Variants in PRDM2 observed in about 807,000 individuals in gnomAD.
The protein encoded by PRDM2 is PR/SET domain 2, also known as PR domain zinc finger protein 2.
In PRDM2, 30 loss-of-function variants were observed where a neutral mutation model predicts 130.0. That is an observed-to-expected ratio of 0.23 (90% CI 0.17 to 0.31). The LOEUF (loss-of-function observed/expected upper bound fraction) is 0.31, where lower values mean the gene tolerates loss of function less well. PRDM2 is among the 10% of genes least tolerant of loss of function. The pLI, the probability that PRDM2 is intolerant of heterozygous loss-of-function variation, is 1.00. For missense variants in PRDM2, 2,011 were observed against 2,108.4 expected, an observed-to-expected ratio of 0.95 and a Z score of 0.90; for synonymous variants, 871 against 782.4, an observed-to-expected ratio of 1.11 and a Z score of -1.89.
At chr1:13,773,023 G>T (rs1028428557) in intron 6 of PRDM2, 55 bp from the exon 7 acceptor site, 4 of 1,008,450 alleles carry the variant, frequency 4.0e-6, no homozygotes, top group African/African-American at 3.3e-5. Context: ...GGGAATGAAT[G>T]AATGAATAAA....
chr1:13,721,768 A>C lies in PRDM2; in HGVS notation c.9+6154A>C, dbSNP rs544246823. Among the ~76,000 whole-genome samples, 7 of 152,330 alleles carry C rather than the reference A, an allele frequency of 4.6e-5. No individual in the cohort carries two copies. In the East Asian group the frequency reaches 1.3e-3, roughly 29 times the overall value. On this transcript the variant is annotated intron_variant, in intron 2 of 9. Coordinates refer to ENST00000311066, the MANE Select transcript of PRDM2 (RefSeq NM_001393986.1). ...TAGGATAGTAACACTTCGGCAGAGA[A>C]AAAAGCTGTGGGACTGTTTTTCTCT...
chr1:13,819,522 C>T (rs982837552), intron 9 of PRDM2, among the ~76,000 whole-genome samples: 2 of 152,136 alleles, frequency 1.3e-5, no homozygotes, highest in Non-Finnish European at 2.9e-5. Flanking sequence ...TAAATTGGTA[C>T]TTACACCAAG....
At chr1:13,745,014 AAGTT>A (rs1337365281) in intron 5 of PRDM2, among the ~76,000 whole-genome samples, 2 of 152,246 alleles carry the variant, frequency 1.3e-5, no homozygotes, top group African/African-American at 4.8e-5. Context: ...AAATTCCTGA[AAGTT>A]AGCTGTTAAA....
At chr1:13,717,978 T>C (rs943823226) in intron 2 of PRDM2, among the ~76,000 whole-genome samples, 6 of 152,230 alleles carry the variant, frequency 3.9e-5, no homozygotes, top group African/African-American at 1.4e-4. Flanking sequence ...ACCCAATTGT[T>C]ATGGCATAAA....
intron 2 of PRDM2, among the ~76,000 whole-genome samples, chr1:13,720,317 A>G (rs1272521797): frequency 6.6e-6 from 1 of 152,196 alleles, no homozygotes; most frequent in Non-Finnish European, 1.5e-5. Context: ...TACCTTGCTG[A>G]TTACAGTCAA....
intron 9 of PRDM2, among the ~76,000 whole-genome samples, chr1:13,821,524 G>A (rs1049140291): frequency 5.9e-5 from 9 of 151,516 alleles, no homozygotes; most frequent in African/African-American, 1.2e-4. Context: ...GTGCAGTGGC[G>A]CAATCTCAGG....
intron 8 of PRDM2, among the ~76,000 whole-genome samples, chr1:13,810,222 A>C (rs1243461841): frequency 1.2e-4 from 19 of 152,124 alleles, no homozygotes. Flanking sequence ...TTAAGCATGC[A>C]TGGAACCCGG....
Position 13,749,476 on chromosome 1 carries a change from A to G in PRDM2, c.500A>G (p.Lys167Arg), listed in dbSNP as rs1211006367. The change falls in exon 6 of 10, where the codon AAG becomes AGG. Residue 167 changes from lysine to arginine, a missense_variant. Lys to Arg is a conservative substitution (Grantham distance 26, BLOSUM62 2). Around this residue, in one of 5 missense-constraint regions of PRDM2, gnomAD observed 1,288 missense variants for 1,237.7 expected, o/e 1.04. Transcript: ENST00000311066. ...GCCCGGAGCAAGCGGAGCTCCCCCAAGAGCCGGAAAGGTAGGAGCCCCCCG... is the reference window on the plus strand; with the variant it reads ...GCCCGGAGCAAGCGGAGCTCCCCCAGGAGCCGGAAAGGTAGGAGCCCCCCG... ...ASARSKRSSP[K>R]SRKGKKKSQE... 4.1e-6 allele frequency: 6 copies of G among 1,462,586 alleles called. No homozygotes were observed. The highest frequency in any genetic ancestry group is 1.9e-5 in the Admixed American group (1 of 51,878). The allele number at this position is 1,462,586 out of a possible 1,614,324, so 90.6% of individuals were successfully genotyped here.
chr1:13,793,034 T>G (rs1345947778), intron 8 of PRDM2, among the ~76,000 whole-genome samples: 1 of 152,210 alleles, frequency 6.6e-6, no homozygotes. Flanking sequence ...TGTACATAAC[T>G]GTTGTGTCCC....
intron 8 of PRDM2, among the ~76,000 whole-genome samples, chr1:13,788,571 A>G (rs1310677407): frequency 2.6e-5 from 4 of 152,198 alleles, no homozygotes; most frequent in African/African-American, 9.7e-5. Flanking sequence ...GTCACTCCTC[A>G]GGGAAAGGTG....
intron 8 of PRDM2, among the ~76,000 whole-genome samples, chr1:13,805,107 C>G (rs1037280703): frequency 1.4e-4 from 21 of 152,302 alleles, no homozygotes; most frequent in African/African-American, 4.8e-4. Context: ...CCATCACAGG[C>G]CCAGCCTTAC....
intron 9 of PRDM2, among the ~76,000 whole-genome samples, chr1:13,822,800 C>T (rs531495962): frequency 1.2e-4 from 18 of 152,148 alleles, no homozygotes; most frequent in Admixed American, 5.2e-4. Context: ...AAAAGCCAGA[C>T]GCAGGAGGAG....
At chr1:13,777,753 G>C (rs568270051) in intron 7 of PRDM2, among the ~76,000 whole-genome samples, 5 of 149,050 alleles carry the variant, frequency 3.4e-5, no homozygotes, top group Non-Finnish European at 7.4e-5. Flanking sequence ...GCTAGGCCTA[G>C]GGACTCCGAA....
chr1:13,778,787 T>C lies in PRDM2; in HGVS notation c.992T>C (p.Leu331Pro). The C allele has an allele frequency of 5.6e-6, 9 of 1,614,098 alleles. No homozygotes were observed. The highest frequency in any genetic ancestry group is 5.9e-6 in the Non-Finnish European group (7 of 1,180,024). Reference sequence around the variant, plus strand: ...CCAAAAACAACTTCAGAAGAAACTCTTGAAGACTGCTCAGAGGTAACACCT... The same window carrying C: ...CCAAAAACAACTTCAGAAGAAACTCCTGAAGACTGCTCAGAGGTAACACCT... ...EEPKTTSEET[L>P]EDCSEVTPAM... Residue 331 changes from leucine to proline, a missense_variant, in exon 8 of 10, where the codon CTT becomes CCT. Physicochemically the swap from Leu to Pro is moderately conservative, Grantham distance 98. Transcript: ENST00000311066.
Position 13,780,302 on chromosome 1 carries a change from G to A in PRDM2, c.2507G>A (p.Gly836Asp), listed in dbSNP as rs182761001. The A allele has an allele frequency of 6.2e-7, 1 of 1,614,048 alleles. No homozygotes were observed. The highest frequency in any genetic ancestry group is 2.2e-5 in the East Asian group (1 of 44,880). Reference sequence around the variant, plus strand: ...AGCGGTGTCAAACAGAAGGCTGAGGGTACAGGCAAGACTCCAGTCCAGTGG... The same window carrying A: ...AGCGGTGTCAAACAGAAGGCTGAGGATACAGGCAAGACTCCAGTCCAGTGG... Reference protein sequence around the residue: ...LSSGVKQKAEGTGKTPVQWES... With the variant: ...LSSGVKQKAEDTGKTPVQWES... The change falls in exon 8 of 10, where the codon GGT becomes GAT. Residue 836 changes from glycine to aspartate, a missense_variant. Gly to Asp is a moderately conservative substitution (Grantham distance 94, BLOSUM62 -1). Transcript: ENST00000311066.
At chr1:13,755,107 G>GGAATTA (rs1415403090) in intron 6 of PRDM2, among the ~76,000 whole-genome samples, 1 of 152,176 alleles carries the variant, frequency 6.6e-6, no homozygotes, top group East Asian at 1.9e-4. Context: ...TTTTTCAACA[G>GGAATTA]TAGGAGTTCG....
intron 6 of PRDM2, among the ~76,000 whole-genome samples, chr1:13,753,230 C>G (rs576859218): frequency 6.6e-6 from 1 of 152,252 alleles, no homozygotes; most frequent in Admixed American, 6.5e-5. Flanking sequence ...GTTTTTATAC[C>G]TGAAAGCTGG....
intron 9 of PRDM2, among the ~76,000 whole-genome samples, chr1:13,819,246 C>A (rs930912739): frequency 6.6e-6 from 1 of 152,204 alleles, no homozygotes; most frequent in African/African-American, 2.4e-5. Flanking sequence ...TTGGCCATGA[C>A]GAAGATGAAA....
chr1:13,758,777 G>T (rs1644025032), intron 6 of PRDM2, among the ~76,000 whole-genome samples: 1 of 152,064 alleles, frequency 6.6e-6, no homozygotes. Flanking sequence ...TTTGATGAAA[G>T]TTTTAATAAT....
Sources: allele counts gnomAD v4.1 joint callset (sites outside exome capture counted in the v4.1 genomes callset), GRCh38; gene constraint gnomAD v4.1.1; regional missense constraint gnomAD v4.1.1; transcripts MANE v1.5; gene names NCBI Gene and HGNC (gene_info 2026-07-23, HGNC 2026-07-21).